The following LRP4 variants were observed in gnomAD, a reference collection of about 807,000 sequenced individuals.
LRP4 encodes low-density lipoprotein receptor-related protein 4.
In LRP4, 95 loss-of-function variants were observed where a neutral mutation model predicts 220.3. That is an observed-to-expected ratio of 0.43 (90% CI 0.37 to 0.51). LRP4 has a LOEUF of 0.51. Among genes scored for constraint, LRP4 ranks in the 20% least tolerant of loss-of-function variants. The pLI, the probability that LRP4 is intolerant of heterozygous loss-of-function variation, is 0.00. For missense variants in LRP4, 1,925 were observed against 2,567.0 expected (o/e 0.75, Z 5.40); for synonymous variants, 903 against 954.6 (o/e 0.95, Z 1.00).
In LRP4 at chr11:46,871,590, C is replaced by T. The variant is rs1248400817; in HGVS notation, c.4627G>A (p.Asp1543Asn). The change falls in exon 31 of 38, where the codon GAC becomes AAC. Residue 1543 changes from aspartate (D) to asparagine (N), a missense_variant. Asp to Asn is a conservative substitution (Grantham distance 23). This residue lies in a region of LRP4 where 1,244 missense variants were observed against 1,624.9 expected (regional missense o/e 0.77). Transcript: ENST00000378623. ...ACCTGCCGCAGTTTCCCATTGAGGT[C>T]AGCACTCTCGATCCGGTCCAGATGC... is the stretch of plus-strand genomic sequence containing the variant. The part of the protein sequence containing the change: ...DAHLDRIESA[D>N]LNGKLRQVLV... The T allele has an allele frequency of 6.2e-7, 1 of 1,613,078 alleles. No individual in the cohort carries two copies. The highest frequency in any genetic ancestry group is 8.5e-7 in the Non-Finnish European group (1 of 1,179,610).
intron 20 of LRP4, among the ~76,000 whole-genome samples, chr11:46,880,511 C>T (rs1386868100): frequency 1.3e-5 from 2 of 152,026 alleles, no homozygotes; most frequent in Admixed American, 1.3e-4. Context: ...GTAGTAGGTG[C>T]CTGTGGTCCC....
rs1941613149 is a variant in LRP4 at position 46,899,237 on chromosome 11, T to A, written c.547+150A>T. ...TTCCCTTCCCACCTGGGGAACTTGC[T>A]CCCTCCCTAGCTCAGCCTAGGAGGA... On this transcript the variant is annotated intron_variant, in intron 5 of 37. Coordinates refer to ENST00000378623, the MANE Select transcript of LRP4 (RefSeq NM_002334.4). This position sits in a 1 kb window ranked among gnomAD's most constrained non-coding sequence, Gnocchi z 5.9. The A allele has an allele frequency of 1.1e-6, 1 of 891,804 alleles. No homozygotes were observed. The highest frequency in any genetic ancestry group is 1.6e-5 in the African/African-American group (1 of 61,358). The allele number at this position is 891,804 out of a possible 1,614,324, so 55.2% of individuals were successfully genotyped here.
In LRP4 at chr11:46,862,711, C is replaced by T; in HGVS notation, c.5280G>A (p.Gly1760=). The T allele has an allele frequency of 1.9e-6, 3 of 1,613,934 alleles. No homozygotes were observed. The highest frequency in any genetic ancestry group is 2.5e-6 in the Non-Finnish European group (3 of 1,179,942). ...KKSKFTDPGM[G]NLTYSNPSYR... is the part of the protein sequence containing the mutation. The stretch of plus-strand genomic sequence containing the variant: ...AGGAGGGGTTGCTGTAGGTGAGGTT[C>T]CCCATTCCAGGATCAGTGAACTTGG... The change falls in exon 37 of 38, where the codon GGG becomes GGA. Residue 1760 remains glycine, a synonymous_variant. Transcript: ENST00000378623.
intron 16 of LRP4, among the ~76,000 whole-genome samples, chr11:46,887,009 T>C (rs1356721646): frequency 2.0e-5 from 3 of 152,204 alleles, no homozygotes; most frequent in Non-Finnish European, 4.4e-5. Flanking sequence ...TGGTGCTTTT[T>C]TGATCTCACA....
intron 1 of LRP4, among the ~76,000 whole-genome samples, chr11:46,911,982 G>A (rs958399304): frequency 5.3e-5 from 8 of 152,122 alleles, no homozygotes; most frequent in Non-Finnish European, 1.0e-4. Context: ...AGCCTCCTGA[G>A]TAGCTGAGAC....
intron 23 of LRP4, 139 bp downstream of exon 23, chr11:46,877,060 G>A (rs922732484): frequency 4.7e-6 from 5 of 1,054,984 alleles, no homozygotes; most frequent in Non-Finnish European, 7.4e-6. Context: ...TAGAGAGACA[G>A]GGACAGGGGC....
intron 1 of LRP4, among the ~76,000 whole-genome samples, chr11:46,908,150 T>C (rs1941791647): frequency 6.6e-6 from 1 of 152,118 alleles, no homozygotes; most frequent in South Asian, 2.1e-4. Flanking sequence ...CAGGGTGGTC[T>C]TAAATTCCTG....
At chr11:46,907,776 C>T (rs1045516576) in intron 1 of LRP4, among the ~76,000 whole-genome samples, 1 of 152,150 alleles carries the variant, frequency 6.6e-6, no homozygotes, top group Non-Finnish European at 1.5e-5. Flanking sequence ...CCACAAATTC[C>T]GCAATTTTGA....
chr11:46,899,986 C>T lies in LRP4; in HGVS notation c.317-10G>A, dbSNP rs768263882. 6.9e-6 allele frequency: 11 copies of T among 1,599,706 alleles called. No homozygotes were observed. Among genetic ancestry groups the T allele is most frequent in the Non-Finnish European group, 9.4e-6 (11 of 1,167,628 alleles). Reference sequence around the variant, plus strand: ...TCACACTCCCGGGGGGCTGTGGGCACAGAGCAGTCAGGCTGCTGCAGGCAG... The same window carrying T: ...TCACACTCCCGGGGGGCTGTGGGCATAGAGCAGTCAGGCTGCTGCAGGCAG... On this transcript the variant is annotated splice_polypyrimidine_tract_variant and intron_variant, in intron 3 of 37. Coordinates refer to ENST00000378623, the MANE Select transcript of LRP4 (RefSeq NM_002334.4). The surrounding 1 kb of genome is among the most constrained non-coding windows in gnomAD (Gnocchi z 5.9).
At chr11:46,865,295 A>G (rs1940665543) in intron 34 of LRP4, 109 bp from the exon 35 acceptor site, 4 of 762,466 alleles carry the variant, frequency 5.2e-6, no homozygotes, top group Non-Finnish European at 9.4e-6. Context: ...CAGGTATGAG[A>G]ATGTACAAGA....
chr11:46,889,377 C>T, intron 16 of LRP4, 34 bp downstream of exon 16: 1 of 1,612,892 alleles, frequency 6.2e-7, no homozygotes. Flanking sequence ...CTCACAACAG[C>T]CTCCATGGAG....
chr11:46,895,545 C>G (rs1012353639), intron 10 of LRP4, among the ~76,000 whole-genome samples: 1 of 152,120 alleles, frequency 6.6e-6, no homozygotes, highest in Non-Finnish European at 1.5e-5. Flanking sequence ...CGCACCACTG[C>G]ACTCCAGCCT....
chr11:46,897,025 G>A (rs982220627), intron 7 of LRP4, 31 bp from the exon 8 acceptor site: 4 of 1,613,650 alleles, frequency 2.5e-6, no homozygotes, highest in East Asian at 2.2e-5. Flanking sequence ...ATGAAAGGTG[G>A]GCCCCATTTC....
chr11:46,860,328 T>TTATA, intron 37 of LRP4, among the ~76,000 whole-genome samples: 1 of 152,216 alleles, frequency 6.6e-6, no homozygotes, highest in Middle Eastern at 3.4e-3. Flanking sequence ...GTCCTGCAAC[T>TTATA]TATAACCTTT....
chr11:46,885,165 AT>A (rs1941258563), intron 18 of LRP4, among the ~76,000 whole-genome samples: 1 of 151,948 alleles, frequency 6.6e-6, no homozygotes, highest in South Asian at 2.1e-4. Flanking sequence ...AAAAAAAAAA[AT>A]TGGGGATGTG....
At chr11:46,886,952 T>A (rs949265536) in intron 16 of LRP4, among the ~76,000 whole-genome samples, 2 of 152,222 alleles carry the variant, frequency 1.3e-5, no homozygotes, top group African/African-American at 4.8e-5. Flanking sequence ...TTTACAACTT[T>A]AAGCCAGTAG....
intron 6 of LRP4, 46 bp downstream of exon 6, chr11:46,898,858 C>T (rs778645660): frequency 1.2e-6 from 2 of 1,613,404 alleles, no homozygotes; most frequent in Admixed American, 3.3e-5. Flanking sequence ...CCAAGCAGTT[C>T]TTCCCAGCCT....
In LRP4 at chr11:46,878,911, T is replaced by C. The variant is rs1020600817; in HGVS notation, c.3132A>G (p.Ser1044=). 1 of 1,614,044 alleles carries C rather than the reference T, an allele frequency of 6.2e-7. No homozygotes were observed. Among genetic ancestry groups the C allele is most frequent in the Non-Finnish European group, 8.5e-7 (1 of 1,180,046 alleles). Residue 1044 remains serine (S), a synonymous_variant, in exon 22 of 38, where the codon TCA becomes TCG. Coordinates refer to ENST00000378623, the MANE Select transcript of LRP4 (RefSeq NM_002334.4). Reference sequence around the variant, plus strand: ...ATCTGTGATGCTTTCACTCACCTGGTGAGCAGGTCTTGCCATCAGACAGCA... The same window carrying C: ...ATCTGTGATGCTTTCACTCACCTGGCGAGCAGGTCTTGCCATCAGACAGCA... ...INLLSDGKTC[S]PGMNSFLIFA... is the part of the protein sequence containing the mutation.
At chr11:46,901,196 G>T (rs1266253660) in intron 2 of LRP4, among the ~76,000 whole-genome samples, 2 of 152,188 alleles carry the variant, frequency 1.3e-5, no homozygotes, top group Non-Finnish European at 2.9e-5. Context: ...GATTCAAAAG[G>T]TAATTGTGGT....
Sources: gnomAD v4.1 joint callset for allele counts (sites outside exome capture counted in the v4.1 genomes callset) on GRCh38, gnomAD v4.1.1 for gene constraint, gnomAD v4.1.1 regional missense constraint, Gnocchi (gnomAD v3.1) non-coding constraint, MANE v1.5 for transcripts, NCBI Gene and HGNC (gene_info 2026-07-23, HGNC 2026-07-21) for gene names.